The following GRM5 variants were observed in gnomAD, a reference collection of about 807,000 sequenced individuals.
The protein encoded by GRM5 is glutamate metabotropic receptor 5, also known as metabotropic glutamate receptor 5.
A neutral mutation model predicts 83.1 loss-of-function variants in GRM5; 19 were observed. The observed-to-expected ratio is 0.23, with a 90% CI of 0.16 to 0.34. GRM5 has a LOEUF of 0.34. GRM5 is among the 10% of genes least tolerant of loss of function. The pLI is 1.00. For missense variants in GRM5, 1,160 were observed against 1,588.3 expected (o/e 0.73, Z 4.58); for synonymous variants, 675 against 633.6 (o/e 1.07, Z -0.98).
At chr11:88,695,050 T>C (rs1940869006) in intron 3 of GRM5, among the ~76,000 whole-genome samples, 1 of 152,204 alleles carries the variant, frequency 6.6e-6, no homozygotes, top group Admixed American at 6.5e-5. Flanking sequence ...AGATAAGTTA[T>C]GCATGTGGGT....
chr11:88,981,476 T>C (rs1007518349), intron 2 of GRM5, among the ~76,000 whole-genome samples: 6 of 152,174 alleles, frequency 3.9e-5, no homozygotes, highest in East Asian at 1.9e-4. Flanking sequence ...TTAATTGTGA[T>C]CTTTATGCTA....
chr11:89,007,532 T>C (rs1159371591), intron 2 of GRM5, among the ~76,000 whole-genome samples: 1 of 152,176 alleles, frequency 6.6e-6, no homozygotes, highest in East Asian at 1.9e-4. Context: ...AGAGCATAGA[T>C]GCAAGACAAG....
At chr11:88,838,113 A>G (rs538106531) in intron 3 of GRM5, among the ~76,000 whole-genome samples, 151 of 144,388 alleles carry the variant, frequency 1.0e-3, no homozygotes, top group Middle Eastern at 3.6e-3. Context: ...AAAAAAAGAT[A>G]TAAGTAACGT....
At chr11:88,691,640 A>G (rs935910049) in intron 3 of GRM5, among the ~76,000 whole-genome samples, 3 of 152,002 alleles carry the variant, frequency 2.0e-5, no homozygotes, top group African/African-American at 4.8e-5. Context: ...TTCATTTTGT[A>G]TTTTCTAACA....
intron 2 of GRM5, among the ~76,000 whole-genome samples, chr11:88,865,312 G>T (rs936618745): frequency 5.3e-5 from 8 of 152,126 alleles, no homozygotes; most frequent in Admixed American, 4.6e-4. Context: ...AATGGGGAAA[G>T]GATCCCCTAT....
chr11:88,967,248 CATATATATATATAT>C lies in GRM5; in HGVS notation c.661+79950_661+79963del, dbSNP rs61389354. The stretch of plus-strand genomic sequence containing the variant: ...GTGTGTATGTATATATATATATACA[CATATATATATATAT>C]ATATATATATATATAAAATCTTCTG... On this transcript the variant is annotated intron_variant, in intron 2 of 9. Coordinates refer to ENST00000305447, the MANE Select transcript of GRM5 (RefSeq NM_001143831.3). Among the ~76,000 whole-genome samples the C allele has an allele frequency of 2.2e-3, 309 of 141,662 alleles. 1 individual carries two copies. The highest frequency in any genetic ancestry group is 6.3e-3 in the African/African-American group (249 of 39,360). 92.9% of individuals were successfully genotyped at this position (141,662 alleles called of 152,430 possible).
At chr11:88,514,795 A>C (rs563635739) in intron 9 of GRM5, among the ~76,000 whole-genome samples, 4 of 152,296 alleles carry the variant, frequency 2.6e-5, no homozygotes, top group African/African-American at 9.6e-5. Context: ...GAGGCCTTAA[A>C]GCTTGGGGAT....
chr11:88,642,251 T>C (rs1939315291), intron 4 of GRM5, among the ~76,000 whole-genome samples: 1 of 152,092 alleles, frequency 6.6e-6, no homozygotes, highest in Non-Finnish European at 1.5e-5. Context: ...AGAGCTTGAG[T>C]GGCCTGGATG....
At chr11:88,772,034 CT>C (rs34842099) in intron 3 of GRM5, among the ~76,000 whole-genome samples, 108,180 of 149,606 alleles carry the variant, frequency 0.72, 39,234 homozygotes, top group African/African-American at 0.75. Context: ...GCTTATCAAT[CT>C]TTTTTTTTTT....
At chr11:89,000,951 T>G (rs186250471) in intron 2 of GRM5, among the ~76,000 whole-genome samples, 248 of 148,254 alleles carry the variant, frequency 1.7e-3, no homozygotes, top group Non-Finnish European at 2.8e-3. Flanking sequence ...ATAAAAAAAT[T>G]CCAACATTAT....
At chr11:88,818,681 G>C (rs1282049365) in intron 3 of GRM5, among the ~76,000 whole-genome samples, 2 of 152,098 alleles carry the variant, frequency 1.3e-5, no homozygotes, top group African/African-American at 2.4e-5. Flanking sequence ...TTATTATTCT[G>C]AAAGTAGCTC....
intron 2 of GRM5, among the ~76,000 whole-genome samples, chr11:88,990,583 C>A (rs1939929321): frequency 6.7e-6 from 1 of 149,802 alleles, no homozygotes; most frequent in Admixed American, 6.6e-5. Context: ...AGACCAATAT[C>A]CTTGATGAAC....
intron 3 of GRM5, among the ~76,000 whole-genome samples, chr11:88,750,599 C>A (rs1310287411): frequency 1.3e-5 from 2 of 152,158 alleles, no homozygotes; most frequent in African/African-American, 4.8e-5. Flanking sequence ...TAGATATCTA[C>A]AGAATTCTCC....
chr11:88,760,333 A>AAGAAG (rs58806895), intron 3 of GRM5, among the ~76,000 whole-genome samples: 109,292 of 151,204 alleles, frequency 0.72, 39,886 homozygotes, highest in African/African-American at 0.75. Context: ...TAGACTAATA[A>AAGAAG]AGAGAAGATC....
Position 88,678,066 on chromosome 11 carries a change from T to TTC in GRM5, c.912-24664_912-24663insGA, listed in dbSNP as rs1470346254. Reference sequence around the variant, plus strand: ...TTATTCATTTTTAATTTCTGAATTTTTTTTTTTTTAGAGACAGTGTCTTAC... The same window carrying TTC: ...TTATTCATTTTTAATTTCTGAATTTTTCTTTTTTTTTAGAGACAGTGTCTTAC... On this transcript the variant is annotated intron_variant, in intron 3 of 9. Coordinates refer to ENST00000305447, the MANE Select transcript of GRM5 (RefSeq NM_001143831.3). Among the ~76,000 whole-genome samples, 587 of 151,546 alleles carry TTC rather than the reference T, an allele frequency of 3.9e-3. 3 individuals are homozygous for TTC. The highest frequency in any genetic ancestry group is 0.013 in the African/African-American group (548 of 41,272).
chr11:88,986,208 A>G (rs958096593), intron 2 of GRM5, among the ~76,000 whole-genome samples: 3 of 152,194 alleles, frequency 2.0e-5, no homozygotes, highest in African/African-American at 4.8e-5. Context: ...AACAACTAAT[A>G]TAATCTCTAG....
intron 2 of GRM5, among the ~76,000 whole-genome samples, chr11:89,034,777 A>T (rs1226597171): frequency 1.3e-5 from 2 of 151,192 alleles, no homozygotes. Flanking sequence ...CTCTCAAAAC[A>T]CAAGTTTTAG....
At chr11:88,781,607 T>A (rs1367229610) in intron 3 of GRM5, among the ~76,000 whole-genome samples, 2 of 152,170 alleles carry the variant, frequency 1.3e-5, no homozygotes, top group Admixed American at 6.5e-5. Flanking sequence ...CACAAATGGT[T>A]CCCTGGTTGC....
chr11:88,848,952 C>G (rs1447193337), intron 3 of GRM5, among the ~76,000 whole-genome samples: 2 of 152,154 alleles, frequency 1.3e-5, no homozygotes, highest in African/African-American at 4.8e-5. Context: ...GGACATCGGT[C>G]TTTTTCAGTC....
Sources: gnomAD v4.1 joint callset for allele counts (sites outside exome capture counted in the v4.1 genomes callset) on GRCh38, gnomAD v4.1.1 for gene constraint, MANE v1.5 for transcripts, NCBI Gene and HGNC (gene_info 2026-07-23, HGNC 2026-07-21) for gene names.